ANKIB1: variants seen among roughly 807,000 people sequenced by gnomAD.
ANKIB1 encodes ankyrin repeat and IBR domain containing 1, also known as ankyrin repeat and IBR domain-containing protein 1.
A neutral mutation model predicts 122.1 loss-of-function variants in ANKIB1; 43 were observed. The observed-to-expected ratio is 0.35, with a 90% CI of 0.28 to 0.45. ANKIB1 has a LOEUF of 0.45. Ranked by LOEUF, ANKIB1 falls within the 20% of genes least tolerant of loss-of-function variation. The pLI is 1.00. For synonymous variants in ANKIB1, 390 were observed against 442.0 expected (o/e 0.88, Z 1.48); for missense variants, 992 against 1,329.5 (o/e 0.75, Z 3.95).
chr7:92,389,890 A>G (rs1554350139), intron 14 of ANKIB1, 81 bp from the exon 15 acceptor site: 2 of 1,416,194 alleles, frequency 1.4e-6, no homozygotes, highest in East Asian at 5.0e-5. Context: ...TCCTTTTTTG[A>G]GAAAAAAAAT....
intron 16 of ANKIB1, among the ~76,000 whole-genome samples, chr7:92,391,806 A>G (rs1804792117): frequency 6.6e-6 from 1 of 152,146 alleles, no homozygotes; most frequent in East Asian, 1.9e-4. Flanking sequence ...CCCATCCACT[A>G]AAGATCAGTT....
intron 11 of ANKIB1, among the ~76,000 whole-genome samples, chr7:92,381,718 C>T (rs1804519829): frequency 6.6e-6 from 1 of 152,104 alleles, no homozygotes; most frequent in Non-Finnish European, 1.5e-5. Flanking sequence ...ACCAGACCTG[C>T]CTTATAAGAG....
chr7:92,339,321 C>T (rs970058478), intron 5 of ANKIB1, among the ~76,000 whole-genome samples: 3 of 151,922 alleles, frequency 2.0e-5, no homozygotes, highest in African/African-American at 7.3e-5. Flanking sequence ...GGATTACAGG[C>T]GTGAGCCACC....
intron 1 of ANKIB1, among the ~76,000 whole-genome samples, chr7:92,268,484 T>C (rs535003591): frequency 6.6e-6 from 1 of 152,346 alleles, no homozygotes; most frequent in South Asian, 2.1e-4. Flanking sequence ...TTACTCCTTT[T>C]GGTGGAGGAG....
chr7:92,362,435 A>C (rs986297774), intron 10 of ANKIB1, among the ~76,000 whole-genome samples, 162 bp downstream of exon 10: 2 of 152,112 alleles, frequency 1.3e-5, no homozygotes, highest in African/African-American at 4.8e-5. Flanking sequence ...TTCCTTTTGG[A>C]GATAATAGAG....
chr7:92,249,002 G>C (rs750993701), intron 1 of ANKIB1, among the ~76,000 whole-genome samples: 1 of 149,362 alleles, frequency 6.7e-6, no homozygotes, highest in Non-Finnish European at 1.5e-5. Context: ...ATTCTCCTGC[G>C]TCAGCCTCCC....
intron 1 of ANKIB1, among the ~76,000 whole-genome samples, chr7:92,269,053 C>G (rs1801731571): frequency 6.6e-6 from 1 of 152,150 alleles, no homozygotes; most frequent in African/African-American, 2.4e-5. Context: ...TAATGTTTGA[C>G]TTTAAACAGG....
intron 10 of ANKIB1, among the ~76,000 whole-genome samples, chr7:92,364,562 G>A: frequency 6.6e-6 from 1 of 152,068 alleles, no homozygotes; most frequent in East Asian, 1.9e-4. Flanking sequence ...TTTCTGTTAT[G>A]AATGGCTTGC....
intron 1 of ANKIB1, among the ~76,000 whole-genome samples, chr7:92,248,674 C>T (rs1037060591): frequency 2.0e-5 from 3 of 151,838 alleles, no homozygotes; most frequent in African/African-American, 7.3e-5. Context: ...ACACATTTGC[C>T]AAAAAGGATT....
chr7:92,392,361 T>C, intron 17 of ANKIB1, 69 bp downstream of exon 17: 2 of 1,351,376 alleles, frequency 1.5e-6, no homozygotes, highest in African/African-American at 2.9e-5. Flanking sequence ...TTTGCATCCT[T>C]ATCTATTCTA....
chr7:92,300,240 A>G (rs1802433918), intron 2 of ANKIB1, among the ~76,000 whole-genome samples: 1 of 152,214 alleles, frequency 6.6e-6, no homozygotes, highest in Non-Finnish European at 1.5e-5. Context: ...ATGCGTATTT[A>G]AAGACCTACA....
At chr7:92,286,479 AT>A (rs34483972) in intron 1 of ANKIB1, among the ~76,000 whole-genome samples, 40,163 of 134,060 alleles carry the variant, frequency 0.3, 4,961 homozygotes, top group Non-Finnish European at 0.33. Flanking sequence ...TATTATCCGT[AT>A]TTTTTTTTTT....
intron 3 of ANKIB1, among the ~76,000 whole-genome samples, chr7:92,310,783 G>A (rs115330733): frequency 8.2e-4 from 125 of 152,248 alleles, no homozygotes; most frequent in Middle Eastern, 3.4e-3. Flanking sequence ...AGAAAAAAAC[G>A]TGGATGTTCA....
chr7:92,312,459 T>C (rs1313527217), intron 3 of ANKIB1, among the ~76,000 whole-genome samples: 1 of 152,178 alleles, frequency 6.6e-6, no homozygotes, highest in Non-Finnish European at 1.5e-5. Context: ...GTAAATATTT[T>C]AGTCAACTCT....
At chr7:92,263,316 C>T (rs1041920538) in intron 1 of ANKIB1, among the ~76,000 whole-genome samples, 2 of 152,138 alleles carry the variant, frequency 1.3e-5, no homozygotes, top group African/African-American at 4.8e-5. Flanking sequence ...AACATTTTGT[C>T]CTGTTTTTGT....
intron 1 of ANKIB1, among the ~76,000 whole-genome samples, chr7:92,274,369 T>C (rs1467595923): frequency 6.6e-6 from 1 of 152,112 alleles, no homozygotes; most frequent in Non-Finnish European, 1.5e-5. Flanking sequence ...AGGTCAAAAT[T>C]AGTTTGTAGT....
intron 6 of ANKIB1, among the ~76,000 whole-genome samples, chr7:92,344,014 CTG>C (rs1803484766): frequency 6.6e-6 from 1 of 152,006 alleles, no homozygotes; most frequent in Non-Finnish European, 1.5e-5. Flanking sequence ...CTCATTTTAT[CTG>C]TGCCTTTTTG....
In ANKIB1 at chr7:92,255,215, G is replaced by A. The variant is rs1272697211; in HGVS notation, c.-91+8696G>A. ...TATATCTGTCTTTTAAAGACTTTTT[G>A]ATGTTCCTGTCTTGAGAATCTCTCT... On this transcript the variant is annotated intron_variant, in intron 1 of 19. Coordinates refer to ENST00000265742, the MANE Select transcript of ANKIB1 (RefSeq NM_019004.2). Among the ~76,000 whole-genome samples the A allele has an allele frequency of 3.3e-5, 5 of 152,092 alleles. No homozygotes were observed. The East Asian group carries it at 9.6e-4, about 29-fold the overall frequency.
At chr7:92,332,913 TA>T (rs1803200066) in intron 5 of ANKIB1, among the ~76,000 whole-genome samples, 1 of 152,204 alleles carries the variant, frequency 6.6e-6, no homozygotes, top group Non-Finnish European at 1.5e-5. Flanking sequence ...TCATCGTGTT[TA>T]AAACTAAGAT....
Sources: allele counts gnomAD v4.1 joint callset (sites outside exome capture counted in the v4.1 genomes callset), GRCh38; gene constraint gnomAD v4.1.1; transcripts MANE v1.5; gene names NCBI Gene and HGNC (gene_info 2026-07-23, HGNC 2026-07-21).